Variants in CAST observed in about 807,000 individuals in gnomAD.
CAST encodes the protein calpastatin, also known as MIR583 host.
Under a neutral mutation model 119.6 loss-of-function variants are expected in CAST, and 76 were observed. That is an observed-to-expected ratio of 0.64 (90% confidence interval 0.53 to 0.77). The LOEUF (loss-of-function observed/expected upper bound fraction) is 0.77. Among genes scored for constraint, CAST ranks in the 30% least tolerant of loss-of-function variants. The pLI is 0.00. For synonymous variants in CAST, 319 were observed against 331.6 expected (o/e 0.96, Z 0.41); for missense variants, 953 against 946.5 (o/e 1.01, Z -0.09).
the CAST span, among the ~76,000 whole-genome samples, chr5:96,228,916 C>G: frequency 6.6e-6 from 1 of 151,808 alleles, no homozygotes; most frequent in African/African-American, 2.4e-5. Flanking sequence ...ACATACTGTA[C>G]CAAAATTATC....
intron 3 of CAST, among the ~76,000 whole-genome samples, chr5:96,720,700 T>G (rs888127885): frequency 2.6e-5 from 4 of 152,238 alleles, no homozygotes; most frequent in Non-Finnish European, 4.4e-5. Flanking sequence ...CCTCTGAAAG[T>G]TTTCTCCTTT....
At chr5:96,592,577 A>G (rs1746982014) in intron 1 of CAST, among the ~76,000 whole-genome samples, 1 of 152,132 alleles carries the variant, frequency 6.6e-6, no homozygotes, top group Admixed American at 6.6e-5. Flanking sequence ...ATAGCATAGC[A>G]ATGACTTTAA....
At chr5:96,460,751 T>C in the CAST span, among the ~76,000 whole-genome samples, 5 of 152,190 alleles carry the variant, frequency 3.3e-5, no homozygotes, top group Non-Finnish European at 7.4e-5. Context: ...TCTCACATTT[T>C]CCTCAATTTT....
At chr5:96,536,184 C>T (rs1284535431) in intron 1 of CAST, among the ~76,000 whole-genome samples, 1 of 151,534 alleles carries the variant, frequency 6.6e-6, no homozygotes, top group African/African-American at 2.4e-5. Context: ...ATGATGAAAT[C>T]CCATCTCTGC....
the CAST span, among the ~76,000 whole-genome samples, chr5:95,991,371 G>C: frequency 1.3e-5 from 2 of 151,988 alleles, no homozygotes; most frequent in African/African-American, 2.4e-5. Flanking sequence ...ATACTCTAAA[G>C]GTATTTTAAG....
chr5:96,345,068 C>T, the CAST span, among the ~76,000 whole-genome samples: 3 of 152,224 alleles, frequency 2.0e-5, no homozygotes, highest in East Asian at 3.9e-4. Context: ...TTTTGCACAT[C>T]GCTTTCTTTT....
chr5:96,758,647 C>T (rs2150636690), intron 24 of CAST, among the ~76,000 whole-genome samples: 1 of 152,158 alleles, frequency 6.6e-6, no homozygotes, highest in Admixed American at 6.5e-5. Context: ...TTTGGAATTG[C>T]CTGAAGTTGT....
the CAST span, among the ~76,000 whole-genome samples, chr5:96,416,982 T>C: frequency 1.3e-5 from 2 of 152,180 alleles, no homozygotes; most frequent in African/African-American, 4.8e-5. Flanking sequence ...AATTCATTTA[T>C]TTCGTGATTT....
intron 1 of CAST, among the ~76,000 whole-genome samples, chr5:96,560,184 A>G (rs1465754822): frequency 6.6e-6 from 1 of 152,040 alleles, no homozygotes; most frequent in African/African-American, 2.4e-5. Flanking sequence ...TCCCTTCCTT[A>G]CACCTTATAC....
the CAST span, among the ~76,000 whole-genome samples, chr5:96,049,914 A>AAAAAAAAAAAAAAAAAAG: frequency 6.8e-6 from 1 of 147,546 alleles, no homozygotes; most frequent in Non-Finnish European, 1.5e-5. Context: ...AAAAAAAAAA[A>AAAAAAAAAAAAAAAAAAG]AAAGAAAAAG....
At chr5:96,224,383 G>T in the CAST span, among the ~76,000 whole-genome samples, 2 of 152,086 alleles carry the variant, frequency 1.3e-5, no homozygotes. Context: ...AAGGAAAAAG[G>T]GGTCTTTTTA....
intron 1 of CAST, among the ~76,000 whole-genome samples, chr5:96,650,125 A>T (rs1748072960): frequency 6.6e-6 from 1 of 152,174 alleles, no homozygotes; most frequent in African/African-American, 2.4e-5. Context: ...AGACACATAC[A>T]ATGCTCATCA....
the CAST span, among the ~76,000 whole-genome samples, chr5:96,003,537 C>CAAA: frequency 7.1e-5 from 4 of 56,724 alleles, no homozygotes; most frequent in South Asian, 5.3e-4. Flanking sequence ...GACTCCATCT[C>CAAA]AAAAAAAAAA....
At chr5:96,482,972 T>C in the CAST span, among the ~76,000 whole-genome samples, 6 of 152,222 alleles carry the variant, frequency 3.9e-5, no homozygotes, top group African/African-American at 9.6e-5. Flanking sequence ...CAATCACTTC[T>C]GAGCTCTTGG....
chr5:96,496,135 T>C, the CAST span, among the ~76,000 whole-genome samples: 1 of 152,212 alleles, frequency 6.6e-6, no homozygotes, highest in Non-Finnish European at 1.5e-5. Flanking sequence ...TATATAATTG[T>C]GTACTGATTA....
chr5:96,104,916 A>G, the CAST span, among the ~76,000 whole-genome samples: 1 of 73,296 alleles, frequency 1.4e-5, no homozygotes, highest in Admixed American at 1.7e-4. Context: ...TTCCTTGAGC[A>G]GTGGTTTGTA....
Position 96,716,815 on chromosome 5 carries a change from T to C in CAST, c.211-5824T>C, listed in dbSNP as rs112987142. Among the ~76,000 whole-genome samples, 693 of 152,324 alleles carry C rather than the reference T, an allele frequency of 4.5e-3. 2 individuals are homozygous for C. Among genetic ancestry groups the C allele is most frequent in the Non-Finnish European group, 6.0e-3 (410 of 68,032 alleles). On this transcript the variant is annotated intron_variant, in intron 3 of 31. Coordinates refer to ENST00000675179, the MANE Select transcript of CAST (RefSeq NM_001750.7). ...TTTTGTATTTGTTTTGCGGTTTGCC[T>C]AAATTGCTCTAACATTTGGTATCTA...
chr5:96,159,656 C>G, the CAST span, among the ~76,000 whole-genome samples: 1 of 152,058 alleles, frequency 6.6e-6, no homozygotes, highest in Non-Finnish European at 1.5e-5. Context: ...ACTGTATAAA[C>G]TTAATTTTTT....
chr5:96,559,123 TAG>T (rs1746304007), intron 1 of CAST, among the ~76,000 whole-genome samples: 1 of 152,024 alleles, frequency 6.6e-6, no homozygotes, highest in African/African-American at 2.4e-5. Flanking sequence ...ATTATCTCAA[TAG>T]ATGCAGAAAA....
Sources: allele counts gnomAD v4.1 joint callset (sites outside exome capture counted in the v4.1 genomes callset), GRCh38; gene constraint gnomAD v4.1.1; transcripts MANE v1.5; gene names NCBI Gene and HGNC (gene_info 2026-07-23, HGNC 2026-07-21).